The following CDH4 variants were observed in gnomAD, a reference collection of about 807,000 sequenced individuals.
The protein encoded by CDH4 is cadherin-4.
A neutral mutation model predicts 86.0 loss-of-function variants in CDH4; 33 were observed. That is an observed-to-expected ratio of 0.38 (90% confidence interval 0.29 to 0.51). The LOEUF is 0.51. Ranked by LOEUF, CDH4 falls within the 20% of genes least tolerant of loss-of-function variation. The probability of loss-of-function intolerance (pLI) is 0.86; values close to 1 mark genes in which losing one functional copy is unlikely to be tolerated. For missense variants in CDH4, 1,114 were observed against 1,307.4 expected (o/e 0.85, Z 2.28); for synonymous variants, 555 against 549.4 (o/e 1.01, Z -0.14).
At position 61,775,426 on chromosome 20, in the gene CDH4, G is replaced by A. The variant is rs1437768095; in HGVS notation, c.576+2244G>A. On this transcript the variant is annotated intron_variant, in intron 4 of 15. Transcript: ENST00000614565. ...TAGACAGTCATCGATCTTACTCTGG[G>A]GTCAGCAAACCTTTTCTGTGAAGGG... Among the ~76,000 whole-genome samples the A allele has an allele frequency of 3.3e-5, 5 of 152,078 alleles. No homozygotes were observed. The South Asian group carries it at 8.3e-4, about 25-fold the overall frequency.
intron 2 of CDH4, among the ~76,000 whole-genome samples, chr20:61,495,902 CAAAAA>C (rs72458954): frequency 6.8e-5 from 4 of 58,424 alleles, no homozygotes; most frequent in Non-Finnish European, 1.3e-4. Flanking sequence ...GACTCCATCT[CAAAAA>C]AAAAAAAAAA....
chr20:61,489,265 T>C (rs2085612845), intron 2 of CDH4, among the ~76,000 whole-genome samples: 1 of 152,218 alleles, frequency 6.6e-6, no homozygotes, highest in South Asian at 2.1e-4. Flanking sequence ...TTTGAGCAGA[T>C]AGAACCAGGT....
chr20:61,649,111 C>T (rs1568732735), intron 2 of CDH4, among the ~76,000 whole-genome samples: 2 of 152,246 alleles, frequency 1.3e-5, no homozygotes. Context: ...GTGATGGTCA[C>T]ATATCTGACT....
intron 2 of CDH4, among the ~76,000 whole-genome samples, chr20:61,679,753 G>C (rs186058167): frequency 1.9e-4 from 29 of 152,330 alleles, no homozygotes; most frequent in Middle Eastern, 3.4e-3. Flanking sequence ...TCCCGACTTA[G>C]GAAGGACGTT....
At chr20:61,460,052 C>T (rs1291571574) in intron 2 of CDH4, among the ~76,000 whole-genome samples, 1 of 152,118 alleles carries the variant, frequency 6.6e-6, no homozygotes. Flanking sequence ...ACAGTGGGGC[C>T]TGGGACCATG....
intron 2 of CDH4, among the ~76,000 whole-genome samples, chr20:61,359,850 A>T (rs1342444569): frequency 1.3e-5 from 2 of 152,226 alleles, no homozygotes; most frequent in African/African-American, 4.8e-5. Context: ...TCAGAAAGAA[A>T]GTGTTTATTG....
chr20:61,932,777 G>A (rs916974294), intron 13 of CDH4, among the ~76,000 whole-genome samples: 11 of 152,230 alleles, frequency 7.2e-5, no homozygotes, highest in African/African-American at 2.2e-4. Context: ...CACGTGGGCC[G>A]CACATGTGCA....
At chr20:61,646,480 G>T (rs1206715061) in intron 2 of CDH4, among the ~76,000 whole-genome samples, 1 of 152,192 alleles carries the variant, frequency 6.6e-6, no homozygotes, top group Non-Finnish European at 1.5e-5. Flanking sequence ...GCTCACCCTG[G>T]CTCTGCCATC....
At chr20:61,515,581 G>T (rs748486144) in intron 2 of CDH4, among the ~76,000 whole-genome samples, 1 of 152,114 alleles carries the variant, frequency 6.6e-6, no homozygotes, top group Admixed American at 6.5e-5. Context: ...GGTGGCCTTC[G>T]TAAAGATGTA....
At chr20:61,302,213 C>T (rs752895425) in intron 2 of CDH4, among the ~76,000 whole-genome samples, 3 of 152,122 alleles carry the variant, frequency 2.0e-5, no homozygotes, top group South Asian at 2.1e-4. Context: ...ACCACAGGGC[C>T]GGTTTCCGTG....
intron 2 of CDH4, among the ~76,000 whole-genome samples, chr20:61,553,942 AT>A (rs1204714991): frequency 6.6e-6 from 1 of 152,134 alleles, no homozygotes; most frequent in East Asian, 1.9e-4. Context: ...AATTTACAGC[AT>A]TGTGGTAAGC....
intron 4 of CDH4, among the ~76,000 whole-genome samples, chr20:61,809,125 T>C (rs1980294113): frequency 6.6e-6 from 1 of 152,208 alleles, no homozygotes; most frequent in Non-Finnish European, 1.5e-5. Context: ...CCCAGACCTT[T>C]GATTGGGAAT....
At chr20:61,820,385 C>T (rs1601021861) in intron 4 of CDH4, among the ~76,000 whole-genome samples, 2 of 152,258 alleles carry the variant, frequency 1.3e-5, no homozygotes, top group African/African-American at 4.8e-5. Context: ...TGAGGGACAG[C>T]CACGCAGCTG....
chr20:61,526,221 G>GA (rs899978311), intron 2 of CDH4, among the ~76,000 whole-genome samples: 5 of 151,700 alleles, frequency 3.3e-5, no homozygotes, highest in Non-Finnish European at 7.4e-5. Context: ...TGCCCAGGCA[G>GA]AAGCAGGAGG....
At chr20:61,500,777 T>C (rs563363476) in intron 2 of CDH4, among the ~76,000 whole-genome samples, 2 of 152,360 alleles carry the variant, frequency 1.3e-5, no homozygotes, top group East Asian at 3.9e-4. Context: ...CTTCATATCG[T>C]TGGCGTGTCA....
intron 2 of CDH4, among the ~76,000 whole-genome samples, chr20:61,539,407 T>G (rs183524756): frequency 4.6e-5 from 7 of 152,286 alleles, no homozygotes; most frequent in African/African-American, 7.2e-5. Context: ...AGAGCTGGCT[T>G]CTTCTGAGAC....
chr20:61,868,683 C>G (rs369087872), intron 6 of CDH4, among the ~76,000 whole-genome samples: 3 of 82,782 alleles, frequency 3.6e-5, no homozygotes, highest in Admixed American at 1.3e-4. Context: ...TCCACACTGG[C>G]CGGGTGTCCC....
rs2055132133 is a variant in CDH4 at position 61,932,974 on chromosome 20, C to G, written c.2240-11C>G. On this transcript the variant is annotated splice_polypyrimidine_tract_variant and intron_variant, in intron 13 of 15. Transcript: ENST00000614565. ...CAGCACACCCTGCTCACGGGCAGCC[C>G]TCCCCCACAGCCATGGTCCTGCTGT... 2 of 1,609,832 alleles carry G rather than the reference C, an allele frequency of 1.2e-6. No individual in the cohort carries two copies. The highest frequency in any genetic ancestry group is 3.3e-5 in the Admixed American group (2 of 59,948).
At chr20:61,771,498 C>T (rs1188476236) in intron 3 of CDH4, among the ~76,000 whole-genome samples, 1 of 151,808 alleles carries the variant, frequency 6.6e-6, no homozygotes, top group African/African-American at 2.4e-5. Context: ...GTGGCGGTCT[C>T]CTGTAATCCC....
Sources: gnomAD v4.1 joint callset for allele counts (sites outside exome capture counted in the v4.1 genomes callset) on GRCh38, gnomAD v4.1.1 for gene constraint, MANE v1.5 for transcripts, NCBI Gene and HGNC (gene_info 2026-07-23, HGNC 2026-07-21) for gene names.